The following CHMP3 variants were observed in gnomAD, a reference collection of about 807,000 sequenced individuals.
The protein encoded by CHMP3 is 25.1 protein.
In CHMP3, 8 loss-of-function variants were observed where a neutral mutation model predicts 27.4. The ratio of observed to expected loss-of-function variants is 0.29; its 90% CI spans 0.17 to 0.53. The LOEUF (loss-of-function observed/expected upper bound fraction) is 0.53, where lower values mean the gene tolerates loss of function less well. Ranked by LOEUF, CHMP3 falls within the 20% of genes least tolerant of loss-of-function variation. CHMP3 has a pLI of 0.96. For missense variants in CHMP3, 208 were observed against 271.5 expected, an observed-to-expected ratio of 0.77 and a Z score of 1.64; for synonymous variants, 86 against 85.5, an observed-to-expected ratio of 1.01 and a Z score of -0.03.
chr2:86,520,146 T>G (rs899707296), intron 3 of CHMP3, among the ~76,000 whole-genome samples: 1 of 152,182 alleles, frequency 6.6e-6, no homozygotes, highest in African/African-American at 2.4e-5. Context: ...AACAATTACT[T>G]TTATTTTATA....
At chr2:86,532,057 C>G (rs997313991) in intron 2 of CHMP3, among the ~76,000 whole-genome samples, 1 of 152,178 alleles carries the variant, frequency 6.6e-6, no homozygotes, top group Admixed American at 6.5e-5. Context: ...CTACTGACAT[C>G]TTAACAATAT....
At chr2:86,517,663 C>T (rs2104753301) in intron 3 of CHMP3, among the ~76,000 whole-genome samples, 1 of 150,958 alleles carries the variant, frequency 6.6e-6, no homozygotes, top group African/African-American at 2.4e-5. Flanking sequence ...ATGAAAGCAA[C>T]AAAAACAGAG....
chr2:86,538,704 A>G (rs1275350632), intron 2 of CHMP3, among the ~76,000 whole-genome samples: 2 of 152,196 alleles, frequency 1.3e-5, no homozygotes, highest in African/African-American at 2.4e-5. Context: ...TGAATTACCT[A>G]AATTCTTTCC....
chr2:86,549,266 A>C (rs796354449), intron 1 of CHMP3, among the ~76,000 whole-genome samples: 1,887 of 60,822 alleles, frequency 0.031, 2 homozygotes, highest in African/African-American at 0.084. Context: ...ACGGGGCGGC[A>C]GGGCAGAGGC....
chr2:86,535,085 T>C (rs1676073842), intron 2 of CHMP3, among the ~76,000 whole-genome samples: 1 of 151,982 alleles, frequency 6.6e-6, no homozygotes, highest in Non-Finnish European at 1.5e-5. Context: ...GATGAAACCC[T>C]GTCTCTACAA....
At chr2:86,526,682 C>T (rs11900816) in intron 3 of CHMP3, among the ~76,000 whole-genome samples, 2 of 149,482 alleles carry the variant, frequency 1.3e-5, no homozygotes, top group Non-Finnish European at 1.5e-5. Context: ...CTCTCTCTCT[C>T]TATATATATA....
At chr2:86,542,193 G>A (rs545160062) in intron 2 of CHMP3, 59 bp downstream of exon 2, 16 of 1,552,482 alleles carry the variant, frequency 1.0e-5, no homozygotes, top group African/African-American at 1.4e-5. Flanking sequence ...TTATTTTTAT[G>A]AACTGAAGCA....
chr2:86,532,164 G>A (rs909149423), intron 2 of CHMP3, among the ~76,000 whole-genome samples: 4 of 151,902 alleles, frequency 2.6e-5, no homozygotes, highest in Non-Finnish European at 5.9e-5. Flanking sequence ...CAAGTCTTTT[G>A]CCTCCTTGGT....
At chr2:86,550,481 C>T (rs779841497) in intron 1 of CHMP3, among the ~76,000 whole-genome samples, 1 of 151,178 alleles carries the variant, frequency 6.6e-6, no homozygotes, top group Non-Finnish European at 1.5e-5. Flanking sequence ...TTAAACAAGA[C>T]ACAAAGGCAA....
intron 4 of CHMP3, 75 bp downstream of exon 4, chr2:86,510,283 C>CAACCCA: frequency 1.6e-6 from 2 of 1,281,114 alleles, no homozygotes; most frequent in Non-Finnish European, 2.2e-6. Flanking sequence ...CACCCACCCT[C>CAACCCA]ATCCCTAGCC....
At chr2:86,552,252 G>A (rs1033176330) in intron 1 of CHMP3, among the ~76,000 whole-genome samples, 2 of 152,186 alleles carry the variant, frequency 1.3e-5, no homozygotes, top group African/African-American at 2.4e-5. Flanking sequence ...AGAGAATGCA[G>A]TTGATACCAC....
intron 1 of CHMP3, among the ~76,000 whole-genome samples, chr2:86,554,055 T>C (rs113687127): frequency 0.02 from 2,986 of 152,216 alleles, 114 homozygotes; most frequent in African/African-American, 0.068. Flanking sequence ...AGGAATGGAA[T>C]TAATGCCCTT....
At chr2:86,519,779 T>G (rs893891495) in intron 3 of CHMP3, among the ~76,000 whole-genome samples, 1 of 152,210 alleles carries the variant, frequency 6.6e-6, no homozygotes, top group African/African-American at 2.4e-5. Context: ...AATTATGAAC[T>G]GTAGAACTTA....
chr2:86,553,235 T>C (rs903428439), intron 1 of CHMP3, among the ~76,000 whole-genome samples: 1 of 149,416 alleles, frequency 6.7e-6, no homozygotes, highest in Admixed American at 6.7e-5. Flanking sequence ...CCACAAGACA[T>C]AGACAAAACC....
chr2:86,507,429 G>T, intron 5 of CHMP3, 50 bp downstream of exon 5: 4 of 1,528,656 alleles, frequency 2.6e-6, no homozygotes, highest in Non-Finnish European at 3.6e-6. Flanking sequence ...GTGAATGAAG[G>T]AAGAATGGCC....
At chr2:86,520,446 G>A (rs1231157988) in intron 3 of CHMP3, among the ~76,000 whole-genome samples, 1 of 152,056 alleles carries the variant, frequency 6.6e-6, no homozygotes, top group African/African-American at 2.4e-5. Context: ...ATTCTATCAT[G>A]AGACACCACT....
At chr2:86,535,569 T>C (rs1482393660) in intron 2 of CHMP3, among the ~76,000 whole-genome samples, 1 of 152,172 alleles carries the variant, frequency 6.6e-6, no homozygotes, top group African/African-American at 2.4e-5. Flanking sequence ...AGTGGCATCA[T>C]GATCTCAGCT....
intron 3 of CHMP3, among the ~76,000 whole-genome samples, chr2:86,516,027 A>G (rs1253188458): frequency 6.6e-6 from 1 of 151,980 alleles, no homozygotes; most frequent in Non-Finnish European, 1.5e-5. Context: ...GCACGCCTGT[A>G]ATCCCAGCTA....
chr2:86,556,200 GAA>G (rs1289499342), intron 1 of CHMP3, among the ~76,000 whole-genome samples: 7 of 152,258 alleles, frequency 4.6e-5, no homozygotes, highest in African/African-American at 1.2e-4. Flanking sequence ...GGCAAATAGT[GAA>G]AAGTTTCCCT....
Sources: gnomAD v4.1 joint callset for allele counts (sites outside exome capture counted in the v4.1 genomes callset) on GRCh38, gnomAD v4.1.1 for gene constraint, MANE v1.5 for transcripts, NCBI Gene and HGNC (gene_info 2026-07-23, HGNC 2026-07-21) for gene names.